Variants in STOM observed in about 807,000 individuals in gnomAD.
The protein encoded by STOM is stomatin.
In STOM, 25 loss-of-function variants were observed where a neutral mutation model predicts 30.6. That is an observed-to-expected ratio of 0.82 (90% CI 0.60 to 1.14). The LOEUF (loss-of-function observed/expected upper bound fraction) is 1.14, where lower values mean the gene tolerates loss of function less well. Among genes scored for constraint, STOM ranks in the 50% most tolerant of loss-of-function variants. The pLI, the probability that STOM is intolerant of heterozygous loss-of-function variation, is 0.00. For synonymous variants in STOM, 118 were observed against 130.8 expected (o/e 0.90, Z 0.67); for missense variants, 292 against 365.2 (o/e 0.80, Z 1.63).
At chr9:121,364,767 A>C (rs2134045955) in intron 1 of STOM, among the ~76,000 whole-genome samples, 1 of 152,328 alleles carries the variant, frequency 6.6e-6, no homozygotes, top group East Asian at 1.9e-4. Context: ...AATAATTTTA[A>C]ATTTGGACCT....
intron 1 of STOM, among the ~76,000 whole-genome samples, chr9:121,357,462 C>G (rs1190039209): frequency 1.2e-5 from 1 of 80,868 alleles, no homozygotes; most frequent in Non-Finnish European, 3.0e-5. Context: ...TTTTTTGAGA[C>G]AGAGTCTTGC....
chr9:121,346,080 T>TC (rs2064286945), intron 6 of STOM, among the ~76,000 whole-genome samples: 1 of 152,166 alleles, frequency 6.6e-6, no homozygotes, highest in Admixed American at 6.5e-5. Context: ...AACCTCCACC[T>TC]CCAGGGTTCA....
intron 6 of STOM, among the ~76,000 whole-genome samples, chr9:121,343,182 G>A (rs2064261390): frequency 6.6e-6 from 1 of 152,132 alleles, no homozygotes; most frequent in African/African-American, 2.4e-5. Flanking sequence ...CCTAGAAGAA[G>A]GAAAGGTATT....
In STOM at chr9:121,349,332, TGAAG is replaced by T. The variant is rs759436431; in HGVS notation, c.322-13_322-10del. ...GAATCCTTTGTGAGGATCTACAAGA[TGAAG>T]GAAGCAATTTTACATCTGTCAACGA... On this transcript the variant is annotated splice_polypyrimidine_tract_variant and intron_variant, in intron 4 of 6. Coordinates refer to ENST00000286713, the MANE Select transcript of STOM (RefSeq NM_004099.6). 5 of 1,613,518 alleles carry T rather than the reference TGAAG, an allele frequency of 3.1e-6. No individual in the cohort carries two copies. Among genetic ancestry groups the T allele is most frequent in the Non-Finnish European group, 4.2e-6 (5 of 1,179,462 alleles).
chr9:121,366,364 T>C (rs2064503829), intron 1 of STOM: 1 of 590,288 alleles, frequency 1.7e-6, no homozygotes, highest in South Asian at 7.5e-5. Context: ...TGTGTGTCAA[T>C]AGAAAATTAT....
At chr9:121,369,663 GA>G (rs1397162668) in intron 1 of STOM, among the ~76,000 whole-genome samples, 8 of 151,684 alleles carry the variant, frequency 5.3e-5, no homozygotes, top group African/African-American at 9.7e-5. Flanking sequence ...CGGGAGGTGG[GA>G]TTGGGGGAGG....
Position 121,370,224 on chromosome 9 carries a change from T to C in STOM, c.-37A>G. On this transcript the variant is annotated 5_prime_UTR_variant, in exon 1 of 7. Coordinates refer to ENST00000286713, the MANE Select transcript of STOM (RefSeq NM_004099.6). ...CGCAGTCGCACTCCCCCGTCCTCGTTGCCAAACCCGGAGCCGCCGGGAATG... is the reference window on the plus strand; with the variant it reads ...CGCAGTCGCACTCCCCCGTCCTCGTCGCCAAACCCGGAGCCGCCGGGAATG... 1.3e-6 allele frequency: 2 copies of C among 1,535,676 alleles called. No homozygotes were observed. Among genetic ancestry groups the C allele is most frequent in the East Asian group, 2.5e-5 (1 of 40,588 alleles).
intron 1 of STOM, among the ~76,000 whole-genome samples, chr9:121,361,999 C>T (rs2064457984): frequency 6.6e-6 from 1 of 152,160 alleles, no homozygotes; most frequent in South Asian, 2.1e-4. Flanking sequence ...TCTGATCCGT[C>T]TGTGGCCTGG....
chr9:121,370,240 G>A lies in STOM; in HGVS notation c.-53C>T. The A allele has an allele frequency of 2.6e-6, 4 of 1,520,280 alleles. No homozygotes were observed. Among genetic ancestry groups the A allele is most frequent in the Non-Finnish European group, 3.5e-6 (4 of 1,127,800 alleles). The allele number at this position is 1,520,280 out of a possible 1,614,324, so 94.2% of individuals were successfully genotyped here. A position where few individuals can be genotyped will look rare whatever the true frequency, so the allele number is the denominator to read the frequency against. The stretch of plus-strand genomic sequence containing the variant: ...CGTCCTCGTTGCCAAACCCGGAGCC[G>A]CCGGGAATGCCCTGAGGAGCCAGAG... On this transcript the variant is annotated 5_prime_UTR_variant, in exon 1 of 7. Coordinates refer to ENST00000286713, the MANE Select transcript of STOM (RefSeq NM_004099.6).
intron 3 of STOM, among the ~76,000 whole-genome samples, chr9:121,354,011 T>C (rs2134032806): frequency 6.6e-6 from 1 of 152,310 alleles, no homozygotes; most frequent in East Asian, 1.9e-4. Flanking sequence ...TCTGTTTCCT[T>C]GTTGGTTCCT....
intron 1 of STOM, chr9:121,369,812 T>G: frequency 2.9e-6 from 1 of 344,928 alleles, no homozygotes; most frequent in African/African-American, 2.1e-5. Flanking sequence ...CAGTTCCCTC[T>G]GCGTTTCCTA....
chr9:121,343,962 T>C (rs1256333330), intron 6 of STOM, among the ~76,000 whole-genome samples: 1 of 151,692 alleles, frequency 6.6e-6, no homozygotes, highest in Non-Finnish European at 1.5e-5. Flanking sequence ...GAGAATGAAA[T>C]GGTTTGGGGA....
intron 6 of STOM, among the ~76,000 whole-genome samples, chr9:121,346,272 G>C (rs1164537435): frequency 6.6e-6 from 1 of 152,214 alleles, no homozygotes; most frequent in Non-Finnish European, 1.5e-5. Context: ...TTACAGACGT[G>C]AGCCACTGTG....
intron 2 of STOM, among the ~76,000 whole-genome samples, chr9:121,355,623 C>T (rs1479964015): frequency 6.6e-6 from 1 of 152,126 alleles, no homozygotes; most frequent in African/African-American, 2.4e-5. Context: ...GTGATAAGTA[C>T]ATTTAGACAC....
intron 4 of STOM, among the ~76,000 whole-genome samples, 161 bp downstream of exon 4, chr9:121,353,059 C>T (rs1207921173): frequency 6.6e-6 from 1 of 152,150 alleles, no homozygotes; most frequent in Non-Finnish European, 1.5e-5. Flanking sequence ...CACTACTGCA[C>T]TTCAGCCTGG....
In STOM at chr9:121,341,333, C is replaced by T. The variant is rs757407622; in HGVS notation, c.736G>A (p.Ala246Thr). Residue 246 changes from alanine (A) to threonine (T), a missense_variant, in exon 7 of 7, where the codon GCA becomes ACA. Transcript: ENST00000286713. Reference protein sequence around the residue: ...EASMVITESPAALQLRYLQTL... With the variant: ...EASMVITESPTALQLRYLQTL... ...TGCAGGTATCGGAGCTGAAGGGCTG[C>T]AGGAGATTCAGTGATGACCATGGAG... The T allele has an allele frequency of 6.2e-7, 1 of 1,614,120 alleles. No individual in the cohort carries two copies. Among genetic ancestry groups the T allele is most frequent in the Non-Finnish European group, 8.5e-7 (1 of 1,180,030 alleles).
At chr9:121,358,595 A>T (rs1180446449) in intron 1 of STOM, among the ~76,000 whole-genome samples, 1 of 152,200 alleles carries the variant, frequency 6.6e-6, no homozygotes, top group Non-Finnish European at 1.5e-5. Flanking sequence ...ACATACTTAT[A>T]CCCAGCTTTC....
Position 121,353,962 on chromosome 9 carries a change from G to A in STOM, c.238+639C>T, listed in dbSNP as rs577409347. 6.6e-5 allele frequency among the ~76,000 whole-genome samples: 10 copies of A among 152,276 alleles called. No individual in the cohort carries two copies. In the South Asian group the frequency reaches 2.1e-3, roughly 32 times the overall value. The stretch of plus-strand genomic sequence containing the variant: ...TCTCTTTTCTCACAGCTCTCTGTGA[G>A]TACTTGATCATAATACTTATCACAT... On this transcript the variant is annotated intron_variant, in intron 3 of 6. Transcript: ENST00000286713.
intron 1 of STOM, among the ~76,000 whole-genome samples, chr9:121,366,702 C>A (rs1235230313): frequency 6.6e-6 from 1 of 152,118 alleles, no homozygotes; most frequent in Non-Finnish European, 1.5e-5. Flanking sequence ...TCCCTGCCTG[C>A]TTCCTTTTTC....
Sources: gnomAD v4.1 joint callset for allele counts (sites outside exome capture counted in the v4.1 genomes callset) on GRCh38, gnomAD v4.1.1 for gene constraint, MANE v1.5 for transcripts, NCBI Gene and HGNC (gene_info 2026-07-23, HGNC 2026-07-21) for gene names.